CPT1A: variants seen among roughly 807,000 people sequenced by gnomAD.
The protein encoded by CPT1A is carnitine O-palmitoyltransferase 1, liver isoform.
A neutral mutation model predicts 100.8 loss-of-function variants in CPT1A; 64 were observed. The observed-to-expected ratio is 0.63, with a 90% confidence interval of 0.52 to 0.78. CPT1A has a LOEUF of 0.78. Among genes scored for constraint, CPT1A ranks in the 30% least tolerant of loss-of-function variants. The probability of loss-of-function intolerance (pLI) is 0.00; values close to 1 mark genes in which losing one functional copy is unlikely to be tolerated. For synonymous variants in CPT1A, 363 were observed against 396.0 expected, an observed-to-expected ratio of 0.92 and a Z score of 0.99; for missense variants, 802 against 1,034.1, an observed-to-expected ratio of 0.78 and a Z score of 3.08.
chr11:68,841,792 TGCGGCAGCGGCAGCGGCAGCG>T lies in CPT1A; in HGVS notation c.-52_-32del. The T allele has an allele frequency of 1.0e-6, 1 of 996,678 alleles. No individual in the cohort carries two copies. Among genetic ancestry groups the T allele is most frequent in the Non-Finnish European group, 1.2e-6 (1 of 839,876 alleles). 61.7% of individuals were successfully genotyped at this position (996,678 alleles called of 1,614,324 possible). A position where few individuals can be genotyped will look rare whatever the true frequency, so the allele number is the denominator to read the frequency against. ...GGCCTCACCGAGTCAGCTACGGAGG[TGCGGCAGCGGCAGCGGCAGCG>T]GCGGCGGCGGCGGCGGCGGTGGAGT... On this transcript the variant is annotated 5_prime_UTR_variant, in exon 1 of 19. Coordinates refer to ENST00000265641, the MANE Select transcript of CPT1A (RefSeq NM_001876.4). This position sits in a 1 kb window ranked among gnomAD's most constrained non-coding sequence, Gnocchi z 6.3.
At position 68,784,887 on chromosome 11, in the gene CPT1A, T is replaced by G; in HGVS notation, c.1091A>C (p.Gln364Pro). The change falls in exon 10 of 19, where the codon CAG (glutamine) becomes CCG (proline). Residue 364 changes from glutamine to proline, a missense_variant. Gln to Pro is a moderately conservative substitution (Grantham distance 76, BLOSUM62 -1). Coordinates refer to ENST00000265641, the MANE Select transcript of CPT1A (RefSeq NM_001876.4). ...LKPREMEQQM[Q>P]RILDNTSEPQ... ...CTCCGAGGTATTGTCCAGGATCCTCTGCATCTGCTGCTCCATCTCCCGGGG... is the reference window on the plus strand; with the variant it reads ...CTCCGAGGTATTGTCCAGGATCCTCGGCATCTGCTGCTCCATCTCCCGGGG... 1.9e-6 allele frequency: 3 copies of G among 1,614,044 alleles called. No homozygotes were observed. The highest frequency in any genetic ancestry group is 2.5e-6 in the Non-Finnish European group (3 of 1,180,038).
At chr11:68,785,817 TGTTTCTGA>T in intron 9 of CPT1A, 3 of 560,326 alleles carry the variant, frequency 5.4e-6, no homozygotes, top group Non-Finnish European at 6.3e-6. Context: ...TTCCGATAAT[TGTTTCTGA>T]GAACCCGAGA....
chr11:68,797,017 A>G, intron 6 of CPT1A, 84 bp from the exon 7 acceptor site: 1 of 1,334,484 alleles, frequency 7.5e-7, no homozygotes, highest in Non-Finnish European at 1.1e-6. Context: ...GCCGCGGGGA[A>G]GGGCAGGCAG....
chr11:68,790,589 C>A (rs552097757), intron 9 of CPT1A, among the ~76,000 whole-genome samples: 1 of 152,228 alleles, frequency 6.6e-6, no homozygotes, highest in Non-Finnish European at 1.5e-5. Flanking sequence ...AAGGCCTCCC[C>A]CAGAGCCTTT....
chr11:68,842,743 T>C (rs1346337743), upstream of CPT1A, among the ~76,000 whole-genome samples: 1 of 151,518 alleles, frequency 6.6e-6, no homozygotes, highest in Non-Finnish European at 1.5e-5. Context: ...GAGCGGGAAC[T>C]GAACATCCAC....
intron 7 of CPT1A, 49 bp downstream of exon 7, chr11:68,796,807 C>G: frequency 6.3e-7 from 1 of 1,583,396 alleles, no homozygotes. Context: ...TGGACAGACC[C>G]GCCGCCCCAC....
intron 14 of CPT1A, among the ~76,000 whole-genome samples, chr11:68,768,318 G>A (rs1431011930): frequency 2.0e-5 from 3 of 151,782 alleles, no homozygotes; most frequent in South Asian, 2.1e-4. Flanking sequence ...CTCATGATCC[G>A]CCCACCTCAG....
chr11:68,839,956 A>G (rs576371250), intron 1 of CPT1A, among the ~76,000 whole-genome samples: 69 of 152,320 alleles, frequency 4.5e-4, no homozygotes, highest in African/African-American at 1.6e-3. Context: ...CATGATGCCA[A>G]CTTCTGCCAC....
chr11:68,789,340 G>A (rs1855554953), intron 9 of CPT1A, among the ~76,000 whole-genome samples: 1 of 152,054 alleles, frequency 6.6e-6, no homozygotes, highest in African/African-American at 2.4e-5. Context: ...AAAGTGGGTG[G>A]GGCTTTGCCC....
intron 3 of CPT1A, among the ~76,000 whole-genome samples, chr11:68,809,506 C>CT (rs1479096811): frequency 1.3e-5 from 2 of 152,082 alleles, no homozygotes; most frequent in South Asian, 2.1e-4. Flanking sequence ...TTTATTCTTT[C>CT]TTTTTTTTAA....
chr11:68,757,774 C>T lies in CPT1A; in HGVS notation c.2236-44G>A, dbSNP rs773644133. 3.3e-6 allele frequency: 5 copies of T among 1,514,496 alleles called. No homozygotes were observed. In the South Asian group the frequency reaches 3.4e-5, roughly 10 times the overall value. The allele number at this position is 1,514,496 out of a possible 1,614,324, so 93.8% of individuals were successfully genotyped here. On this transcript the variant is annotated intron_variant, in intron 18 of 18. Coordinates refer to ENST00000265641, the MANE Select transcript of CPT1A (RefSeq NM_001876.4). ...AACCAAAAACCTATTAAAACGTGGC[C>T]ATCCCCACATTTCAAGCTTTTTCAT... is the stretch of plus-strand genomic sequence containing the variant.
intron 6 of CPT1A, 40 bp from the exon 7 acceptor site, chr11:68,796,973 AG>A (rs1328366010): frequency 5.6e-6 from 9 of 1,605,000 alleles, no homozygotes; most frequent in African/African-American, 2.7e-5. Context: ...CAGGCTCAGC[AG>A]GGGCCAGGCA....
At chr11:68,758,477 T>C (rs1016506562) in intron 18 of CPT1A, among the ~76,000 whole-genome samples, 1 of 152,188 alleles carries the variant, frequency 6.6e-6, no homozygotes, top group Non-Finnish European at 1.5e-5. Flanking sequence ...TATGCAGATT[T>C]CTTAGTGTGT....
At chr11:68,802,049 G>A (rs1429779304) in intron 5 of CPT1A, among the ~76,000 whole-genome samples, 2 of 152,152 alleles carry the variant, frequency 1.3e-5, no homozygotes, top group African/African-American at 4.8e-5. Flanking sequence ...CCATTTATGC[G>A]AAATGTCCAG....
chr11:68,782,070 A>T, intron 10 of CPT1A, 111 bp from the exon 11 acceptor site: 1 of 1,055,420 alleles, frequency 9.5e-7, no homozygotes, highest in Non-Finnish European at 1.4e-6. Context: ...TCTCGAAGGA[A>T]AACTCCATGT....
chr11:68,761,990 C>T (rs575367706), intron 15 of CPT1A, among the ~76,000 whole-genome samples: 12 of 152,200 alleles, frequency 7.9e-5, no homozygotes, highest in Admixed American at 7.8e-4. Context: ...GCGGAAAGCA[C>T]CTGCACGCTC....
rs991672910 is a variant in CPT1A, at chr11:68,841,036, G to C, written c.-14+739C>G. On this transcript the variant is annotated intron_variant, in intron 1 of 18. Transcript: ENST00000265641. This position sits in a 1 kb window ranked among gnomAD's most constrained non-coding sequence, Gnocchi z 6.3. ...CCTCATCCTGCTCACGGCAGCGCTC[G>C]GACCGCGCCTGGAGTCCCTGCGCCA... Among the ~76,000 whole-genome samples, 1 of 152,244 alleles carries C rather than the reference G, an allele frequency of 6.6e-6. No homozygotes were observed. Among genetic ancestry groups the C allele is most frequent in the East Asian group, 1.9e-4 (1 of 5,198 alleles).
downstream of CPT1A, chr11:68,754,809 C>T: frequency 1.3e-6 from 1 of 781,062 alleles, no homozygotes; most frequent in East Asian, 2.4e-5. Flanking sequence ...AGACTTTCCA[C>T]TTTGTCTCAA....
intron 4 of CPT1A, among the ~76,000 whole-genome samples, chr11:68,805,228 A>G (rs544578706): frequency 1.3e-5 from 2 of 152,192 alleles, no homozygotes; most frequent in African/African-American, 4.8e-5. Flanking sequence ...AGGAGGGTGG[A>G]TCGTTTGAGC....
Sources: gnomAD v4.1 joint callset for allele counts (sites outside exome capture counted in the v4.1 genomes callset) on GRCh38, gnomAD v4.1.1 for gene constraint, Gnocchi (gnomAD v3.1) non-coding constraint, MANE v1.5 for transcripts, NCBI Gene and HGNC (gene_info 2026-07-23, HGNC 2026-07-21) for gene names.